The following HDAC9 variants were observed in gnomAD, a reference collection of about 807,000 sequenced individuals.
HDAC9 encodes histone deacetylase 9.
A neutral mutation model predicts 139.4 loss-of-function variants in HDAC9; 41 were observed. The observed-to-expected ratio is 0.29, with a 90% CI of 0.23 to 0.38. The LOEUF is 0.38. Among genes scored for constraint, HDAC9 ranks in the 10% least tolerant of loss-of-function variants. The pLI is 1.00. For missense variants in HDAC9, 1,147 were observed against 1,297.0 expected, an observed-to-expected ratio of 0.88 and a Z score of 1.78; for synonymous variants, 517 against 476.2, an observed-to-expected ratio of 1.09 and a Z score of -1.12.
At chr7:18,511,785 C>T (rs1029260492) in intron 2 of HDAC9, among the ~76,000 whole-genome samples, 1 of 152,028 alleles carries the variant, frequency 6.6e-6, no homozygotes, top group Non-Finnish European at 1.5e-5. Flanking sequence ...CACACCCCTG[C>T]CAATATATTG....
At chr7:18,147,326 G>T (rs1786415686) in intron 1 of HDAC9, among the ~76,000 whole-genome samples, 1 of 152,112 alleles carries the variant, frequency 6.6e-6, no homozygotes, top group Non-Finnish European at 1.5e-5. Context: ...AAAATACACT[G>T]CTTGTTTTAG....
intron 1 of HDAC9, among the ~76,000 whole-genome samples, chr7:18,343,577 CAG>C (rs907142353): frequency 3.1e-4 from 47 of 151,828 alleles, no homozygotes; most frequent in Middle Eastern, 3.4e-3. Context: ...AAAATTAAAA[CAG>C]AAATTTAAGC....
chr7:18,723,716 A>T (rs1375079720), intron 12 of HDAC9, among the ~76,000 whole-genome samples: 4 of 151,156 alleles, frequency 2.6e-5, no homozygotes, highest in Non-Finnish European at 5.9e-5. Context: ...ACTTACTATT[A>T]AAAAAAAAGA....
At chr7:18,659,255 T>C (rs1792363563) in intron 11 of HDAC9, among the ~76,000 whole-genome samples, 1 of 152,174 alleles carries the variant, frequency 6.6e-6, no homozygotes, top group Admixed American at 6.6e-5. Flanking sequence ...TAGACTTGTA[T>C]CAAGTTATAT....
At chr7:18,217,412 T>C (rs1309452798) in intron 2 of HDAC9, among the ~76,000 whole-genome samples, 1 of 152,208 alleles carries the variant, frequency 6.6e-6, no homozygotes, top group African/African-American at 2.4e-5. Context: ...TTATCTTTAT[T>C]ATTTTTTCCT....
At chr7:18,623,912 A>G (rs1584272035) in intron 6 of HDAC9, among the ~76,000 whole-genome samples, 3 of 152,140 alleles carry the variant, frequency 2.0e-5, no homozygotes. Flanking sequence ...GCATTCCAGC[A>G]TGGGCGACAG....
At chr7:18,821,752 A>C (rs62446639) in intron 17 of HDAC9, among the ~76,000 whole-genome samples, 5,496 of 152,294 alleles carry the variant, frequency 0.036, 148 homozygotes, top group Non-Finnish European at 0.052. Flanking sequence ...CAATCCCACA[A>C]GACTGTCCCC....
At chr7:18,407,275 ATTCCT>A (rs1212797694) in intron 1 of HDAC9, among the ~76,000 whole-genome samples, 1 of 152,152 alleles carries the variant, frequency 6.6e-6, no homozygotes, top group African/African-American at 2.4e-5. Context: ...CTATCCGATG[ATTCCT>A]TTCTTGGACC....
intron 1 of HDAC9, among the ~76,000 whole-genome samples, chr7:18,489,651 A>G (rs377121535): frequency 6.6e-6 from 1 of 152,032 alleles, no homozygotes; most frequent in Non-Finnish European, 1.5e-5. Context: ...GTATACATTT[A>G]TATCTTCAGG....
chr7:18,673,806 T>C (rs185342537), intron 12 of HDAC9, among the ~76,000 whole-genome samples: 12 of 152,154 alleles, frequency 7.9e-5, no homozygotes, highest in African/African-American at 2.6e-4. Flanking sequence ...TTAATTAACA[T>C]AGAGGCATAA....
Position 18,607,411 on chromosome 7 carries a change from G to T in HDAC9, c.664+13382G>T, listed in dbSNP as rs115351702. On this transcript the variant is annotated intron_variant, in intron 6 of 25. Coordinates refer to ENST00000686413, the MANE Select transcript of HDAC9 (RefSeq NM_178425.4). Reference sequence around the variant, plus strand: ...ATGAGAGCTGTGTGACCTGCACATAGTGCAGGATTTCTCTGAGCCTCAGTT... The same window carrying T: ...ATGAGAGCTGTGTGACCTGCACATATTGCAGGATTTCTCTGAGCCTCAGTT... Among the ~76,000 whole-genome samples, 625 of 152,332 alleles carry T rather than the reference G, an allele frequency of 4.1e-3. 3 individuals carry two copies. Among genetic ancestry groups the T allele is most frequent in the African/African-American group, 0.015 (603 of 41,572 alleles).
At chr7:18,839,889 T>C (rs762268524) in intron 21 of HDAC9, among the ~76,000 whole-genome samples, 2 of 152,084 alleles carry the variant, frequency 1.3e-5, no homozygotes, top group African/African-American at 2.4e-5. Flanking sequence ...AAAGTGATTA[T>C]TTATGTCAGA....
chr7:18,361,456 C>A (rs929784336), intron 1 of HDAC9, among the ~76,000 whole-genome samples: 2 of 152,154 alleles, frequency 1.3e-5, no homozygotes, highest in South Asian at 2.1e-4. Context: ...TTCCCTACCC[C>A]TTCTTTACCA....
intron 1 of HDAC9, among the ~76,000 whole-genome samples, chr7:18,404,236 G>T (rs1787802721): frequency 6.6e-6 from 1 of 152,072 alleles, no homozygotes; most frequent in South Asian, 2.1e-4. Flanking sequence ...CCACCAAAAG[G>T]TATCTATTGA....
chr7:18,634,636 T>G lies in HDAC9; in HGVS notation c.806T>G (p.Val269Gly), dbSNP rs1401034058. 6.3e-6 allele frequency: 10 copies of G among 1,576,160 alleles called. No homozygotes were observed. Among genetic ancestry groups the G allele is most frequent in the Non-Finnish European group, 8.6e-6 (10 of 1,157,854 alleles). ...KRMFEVTESS[V>G]SSSSPGSGPS... Reference sequence around the variant, plus strand: ...TCACAATATTTTTCAGAATCCTCAGTCAGTAGCAGTTCTCCAGGCTCTGGT... The same window carrying G: ...TCACAATATTTTTCAGAATCCTCAGGCAGTAGCAGTTCTCCAGGCTCTGGT... Residue 269 changes from valine (V) to glycine (G), a missense_variant, in exon 8 of 26, where the codon GTC (valine) becomes GGC (glycine). By Grantham distance (109) the Val-to-Gly change is moderately radical (BLOSUM62 -3). Around this residue, in one of 7 missense-constraint regions of HDAC9, gnomAD observed 264 missense variants for 273.8 expected, o/e 0.96. Transcript: ENST00000686413.
chr7:18,583,318 C>T (rs1409901176), intron 2 of HDAC9, among the ~76,000 whole-genome samples: 1 of 152,098 alleles, frequency 6.6e-6, no homozygotes, highest in Non-Finnish European at 1.5e-5. Flanking sequence ...ATAACATCTT[C>T]AATGTTACAC....
intron 19 of HDAC9, among the ~76,000 whole-genome samples, chr7:18,833,565 G>T (rs184145561): frequency 1.8e-3 from 267 of 152,148 alleles, no homozygotes; most frequent in Non-Finnish European, 2.8e-3. Context: ...GGCTTTAATT[G>T]TTTCACCCTT....
chr7:18,866,270 A>G (rs1436273359), intron 21 of HDAC9, among the ~76,000 whole-genome samples: 1 of 151,704 alleles, frequency 6.6e-6, no homozygotes, highest in Non-Finnish European at 1.5e-5. Flanking sequence ...CCCTGTCTCA[A>G]CGTGCACCAC....
intron 23 of HDAC9, among the ~76,000 whole-genome samples, chr7:18,938,367 G>A (rs1200701929): frequency 6.6e-6 from 1 of 152,046 alleles, no homozygotes. Flanking sequence ...AGGCCGAGGC[G>A]GGTGGATCAC....
Sources: gnomAD v4.1 joint callset for allele counts (sites outside exome capture counted in the v4.1 genomes callset) on GRCh38, gnomAD v4.1.1 for gene constraint, gnomAD v4.1.1 regional missense constraint, MANE v1.5 for transcripts, NCBI Gene and HGNC (gene_info 2026-07-23, HGNC 2026-07-21) for gene names.